The following PIK3CA variants were observed in gnomAD, a reference collection of about 807,000 sequenced individuals.
The protein encoded by PIK3CA is phosphatidylinositol-4,5-bisphosphate 3-kinase catalytic subunit alpha.
PIK3CA carries 27 observed loss-of-function variants against 138.2 expected under a neutral mutation model. The observed-to-expected ratio is 0.20, with a 90% CI of 0.14 to 0.27. The LOEUF (loss-of-function observed/expected upper bound fraction) is 0.27. Ranked by LOEUF, PIK3CA falls within the 10% of genes least tolerant of loss-of-function variation. PIK3CA has a pLI of 1.00. For synonymous variants in PIK3CA, 358 were observed against 413.2 expected (o/e 0.87, Z 1.62); for missense variants, 544 against 1,277.4 (o/e 0.43, Z 8.75).
rs1037560521 is a variant in PIK3CA at position 179,238,606 on chromosome 3, T to C, written c.*4242T>C. The stretch of plus-strand genomic sequence containing the variant: ...TTGGCATGCCTTGTTTTTAATGATA[T>C]GGAAGACCTTAAGAAAAAAACTTGG... On this transcript the variant is annotated 3_prime_UTR_variant, in exon 21 of 21. Coordinates refer to ENST00000263967, the MANE Select transcript of PIK3CA (RefSeq NM_006218.4). The C allele has an allele frequency of 2.3e-5, 5 of 222,090 alleles. No homozygotes were observed. In the South Asian group the frequency reaches 7.4e-4, roughly 33 times the overall value. 13.8% of individuals were successfully genotyped at this position (222,090 alleles called of 1,614,324 possible).
chr3:179,164,522 C>T (rs896415300), intron 1 of PIK3CA, among the ~76,000 whole-genome samples: 9 of 152,134 alleles, frequency 5.9e-5, no homozygotes, highest in East Asian at 1.9e-4. Flanking sequence ...CTATTTTATG[C>T]GATCCTTTTC....
chr3:179,194,283 G>C (rs1453083380), intron 1 of PIK3CA, among the ~76,000 whole-genome samples: 1 of 152,086 alleles, frequency 6.6e-6, no homozygotes, highest in Non-Finnish European at 1.5e-5. Context: ...GAATGCAGTG[G>C]TGCCATCACG....
Position 179,234,426 on chromosome 3 carries a change from A to C in PIK3CA, c.*62A>C. On this transcript the variant is annotated 3_prime_UTR_variant, in exon 21 of 21. Coordinates refer to ENST00000263967, the MANE Select transcript of PIK3CA (RefSeq NM_006218.4). The surrounding 1 kb of genome is among the most constrained non-coding windows in gnomAD (Gnocchi z 5.1). Reference sequence around the variant, plus strand: ...CCACACTGCACTGTTAATAACTCTCAGCAGGCAAAGACCGATTGCATAGGA... The same window carrying C: ...CCACACTGCACTGTTAATAACTCTCCGCAGGCAAAGACCGATTGCATAGGA... 1.1e-4 allele frequency: 157 copies of C among 1,383,600 alleles called. No individual in the cohort carries two copies. Among genetic ancestry groups the C allele is most frequent in the Middle Eastern group, 1.9e-4 (1 of 5,368 alleles). 85.7% of individuals were successfully genotyped at this position (1,383,600 alleles called of 1,614,324 possible). A position where few individuals can be genotyped will look rare whatever the true frequency, so the allele number is the denominator to read the frequency against.
At chr3:179,229,199 G>A (rs1725155133) in intron 17 of PIK3CA, 73 bp from the exon 18 acceptor site, 1 of 1,206,306 alleles carries the variant, frequency 8.3e-7, no homozygotes, top group Non-Finnish European at 1.2e-6. Flanking sequence ...AAATACTCAT[G>A]TTTTAGCCTG....
rs184819087 is a variant in PIK3CA, at chr3:179,223,379, G to A, written c.2188-702G>A. Among the ~76,000 whole-genome samples the A allele has an allele frequency of 9.9e-5, 15 of 152,228 alleles. No individual in the cohort carries two copies. The East Asian group carries it at 1.7e-3, about 18-fold the overall frequency. ...CTATTGCGTGATAACTCAGCAGTCT[G>A]GGCTCTGATTTGAATTGATTAAAAA... On this transcript the variant is annotated intron_variant, in intron 14 of 20. Transcript: ENST00000263967.
chr3:179,219,319 T>C lies in PIK3CA; in HGVS notation c.1746+42T>C, dbSNP rs200409955. ...GATTACTAGATAACTGTTGTACAAA[T>C]TGGTATGTCACTTAAATTGTTTTCT... On this transcript the variant is annotated intron_variant, in intron 11 of 20. Transcript: ENST00000263967. This position sits in a 1 kb window ranked among gnomAD's most constrained non-coding sequence, Gnocchi z 4.2. 2.0e-3 allele frequency: 2,245 copies of C among 1,149,856 alleles called. 8 individuals carry two copies. The highest frequency in any genetic ancestry group is 6.9e-3 in the Middle Eastern group (34 of 4,924). The allele number at this position is 1,149,856 out of a possible 1,614,324, so 71.2% of individuals were successfully genotyped here.
rs1725404495 is a variant in PIK3CA at position 179,239,826 on chromosome 3, T to C, written c.*5462T>C. ...AAGTCCTGTGGTATACTGCATTCAT[T>C]AGAAGAAAAACGTTTTTAATGTCCT... On this transcript the variant is annotated 3_prime_UTR_variant, in exon 21 of 21. Coordinates refer to ENST00000263967, the MANE Select transcript of PIK3CA (RefSeq NM_006218.4). 1 of 503,942 alleles carries C rather than the reference T, an allele frequency of 2.0e-6. No homozygotes were observed. Among genetic ancestry groups the C allele is most frequent in the Non-Finnish European group, 3.6e-6 (1 of 281,088 alleles). The allele number at this position is 503,942 out of a possible 1,614,324, so 31.2% of individuals were successfully genotyped here.
At chr3:179,195,947 C>T (rs1219780886) in intron 1 of PIK3CA, among the ~76,000 whole-genome samples, 1 of 152,174 alleles carries the variant, frequency 6.6e-6, no homozygotes. Context: ...AAAAAGCTGT[C>T]ATTCTGTCTA....
intron 1 of PIK3CA, among the ~76,000 whole-genome samples, chr3:179,153,121 A>T (rs1020041208): frequency 2.0e-5 from 3 of 152,230 alleles, no homozygotes; most frequent in Admixed American, 6.5e-5. Context: ...TTCAGGTGAT[A>T]TAAGAAATAT....
chr3:179,230,997 C>T lies in PIK3CA; in HGVS notation c.2936+621C>T, dbSNP rs1725198222. ...TCTTCCCACCGTCTCCCATCTGAGTCTCTGTAGTCCATTATATCACTCTGT... is the reference window on the plus strand; with the variant it reads ...TCTTCCCACCGTCTCCCATCTGAGTTTCTGTAGTCCATTATATCACTCTGT... On this transcript the variant is annotated intron_variant, in intron 20 of 20. Transcript: ENST00000263967. This position sits in a 1 kb window ranked among gnomAD's most constrained non-coding sequence, Gnocchi z 5.4. Among the ~76,000 whole-genome samples, 4 of 152,092 alleles carry T rather than the reference C, an allele frequency of 2.6e-5. No homozygotes were observed. In the South Asian group the frequency reaches 8.3e-4, roughly 32 times the overall value.
rs553084547 is a variant in PIK3CA, at chr3:179,148,454, C to T, written c.-226C>T. On this transcript the variant is annotated 5_prime_UTR_variant, in exon 1 of 21. Transcript: ENST00000263967. The stretch of plus-strand genomic sequence containing the variant: ...GGCCGCCGGCGAGGCAGGGCTCGGG[C>T]CCGGCCGGGCAGCTCCGGAGCGGCG... 6.9e-3 allele frequency: 1,039 copies of T among 150,978 alleles called. 13 individuals carry two copies. Among genetic ancestry groups the T allele is most frequent in the Non-Finnish European group, 0.012 (796 of 67,596 alleles). The allele number at this position is 150,978 out of a possible 1,614,324, so 9.4% of individuals were successfully genotyped here. A position where few individuals can be genotyped will look rare whatever the true frequency, so the allele number is the denominator to read the frequency against.
In PIK3CA at chr3:179,220,201, C is replaced by G; in HGVS notation, c.2015+149C>G. ...AAAAGTATTTTGTACCAGTGATGAG[C>G]TTCTCAACTTTTGCTCTTTGAAATT... On this transcript the variant is annotated intron_variant, in intron 13 of 20. Coordinates refer to ENST00000263967, the MANE Select transcript of PIK3CA (RefSeq NM_006218.4). This position sits in a 1 kb window ranked among gnomAD's most constrained non-coding sequence, Gnocchi z 4.1. The G allele has an allele frequency of 1.3e-6, 1 of 768,610 alleles. No individual in the cohort carries two copies. Among genetic ancestry groups the G allele is most frequent in the South Asian group, 3.9e-5 (1 of 25,544 alleles). 47.6% of individuals were successfully genotyped at this position (768,610 alleles called of 1,614,324 possible). A position where few individuals can be genotyped will look rare whatever the true frequency, so the allele number is the denominator to read the frequency against.
rs1242190652 is a variant in PIK3CA at position 179,233,954 on chromosome 3, T to C, written c.2937-140T>C. The C allele has an allele frequency of 7.0e-5, 42 of 596,104 alleles. No homozygotes were observed. In the East Asian group the frequency reaches 1.1e-3, roughly 16 times the overall value. 36.9% of individuals were successfully genotyped at this position (596,104 alleles called of 1,614,324 possible). Reference sequence around the variant, plus strand: ...GGTAAAGGGAATCAAAAGATGTTGGTAAGAGAAGTGAGAGAGGAATGCTAT... The same window carrying C: ...GGTAAAGGGAATCAAAAGATGTTGGCAAGAGAAGTGAGAGAGGAATGCTAT... On this transcript the variant is annotated intron_variant, in intron 20 of 20. Coordinates refer to ENST00000263967, the MANE Select transcript of PIK3CA (RefSeq NM_006218.4).
chr3:179,224,865 A>G (rs1310904919), intron 16 of PIK3CA, 44 bp downstream of exon 16: 1 of 1,405,764 alleles, frequency 7.1e-7, no homozygotes, highest in East Asian at 2.3e-5. Context: ...GAATTTAGCT[A>G]TCTTTTTATA....
chr3:179,208,816 A>G (rs1724633796), intron 6 of PIK3CA, among the ~76,000 whole-genome samples: 1 of 151,624 alleles, frequency 6.6e-6, no homozygotes, highest in South Asian at 2.1e-4. Flanking sequence ...CTTCAATTCA[A>G]ATACTTTATG....
At chr3:179,174,927 A>G (rs914781263) in intron 1 of PIK3CA, among the ~76,000 whole-genome samples, 1 of 152,202 alleles carries the variant, frequency 6.6e-6, no homozygotes, top group Non-Finnish European at 1.5e-5. Flanking sequence ...CATCTTTGCA[A>G]TAACTCTCAC....
rs2108394220 is a variant in PIK3CA at position 179,204,489 on chromosome 3, C to G, written c.1060-14C>G. 1 of 1,381,036 alleles carries G rather than the reference C, an allele frequency of 7.2e-7. No homozygotes were observed. Among genetic ancestry groups the G allele is most frequent in the Non-Finnish European group, 1.0e-6 (1 of 969,512 alleles). The allele number at this position is 1,381,036 out of a possible 1,614,324, so 85.5% of individuals were successfully genotyped here. On this transcript the variant is annotated splice_polypyrimidine_tract_variant and intron_variant, in intron 5 of 20. Transcript: ENST00000263967. ...GAGTGTATACATTAGTATATACCTA[C>G]TTTTTTCTTTTAGATCTATGTTCGA...
In PIK3CA at chr3:179,230,487, G is replaced by A. The variant is rs1725185717; in HGVS notation, c.2936+111G>A. ...TAATAAATGTTGGCTGGGTGTGGTG[G>A]TTCATGCCTGTAATCCCAACTCTTT... On this transcript the variant is annotated intron_variant, in intron 20 of 20. Coordinates refer to ENST00000263967, the MANE Select transcript of PIK3CA (RefSeq NM_006218.4). This position sits in a 1 kb window ranked among gnomAD's most constrained non-coding sequence, Gnocchi z 5.4. 5 of 908,872 alleles carry A rather than the reference G, an allele frequency of 5.5e-6. No individual in the cohort carries two copies. Among genetic ancestry groups the A allele is most frequent in the Non-Finnish European group, 8.3e-6 (5 of 605,766 alleles). 56.3% of individuals were successfully genotyped at this position (908,872 alleles called of 1,614,324 possible). A position where few individuals can be genotyped will look rare whatever the true frequency, so the allele number is the denominator to read the frequency against.
At chr3:179,222,690 G>A (rs1195151697) in intron 14 of PIK3CA, among the ~76,000 whole-genome samples, 1 of 152,138 alleles carries the variant, frequency 6.6e-6, no homozygotes, top group Non-Finnish European at 1.5e-5. Context: ...GCTGCGGCTC[G>A]CTGCTGCTAC....
Sources: allele counts gnomAD v4.1 joint callset (sites outside exome capture counted in the v4.1 genomes callset), GRCh38; gene constraint gnomAD v4.1.1; non-coding constraint Gnocchi (gnomAD v3.1); transcripts MANE v1.5; gene names NCBI Gene and HGNC (gene_info 2026-07-23, HGNC 2026-07-21).